Variants in RAG1 observed in about 807,000 individuals in gnomAD.
RAG1 encodes V(D)J recombination-activating protein 1.
In RAG1, 35 loss-of-function variants were observed where a neutral mutation model predicts 62.7. The observed-to-expected ratio is 0.56, with a 90% confidence interval of 0.43 to 0.74. The LOEUF is 0.74. Ranked by LOEUF, RAG1 falls within the 30% of genes least tolerant of loss-of-function variation. The pLI, the probability that RAG1 is intolerant of heterozygous loss-of-function variation, is 0.00. For synonymous variants in RAG1, 461 were observed against 470.3 expected, an observed-to-expected ratio of 0.98 and a Z score of 0.26; for missense variants, 1,169 against 1,278.6, an observed-to-expected ratio of 0.91 and a Z score of 1.31.
At chr11:36,563,991 A>G (rs537258570), upstream of RAG1, among the ~76,000 whole-genome samples, 1 of 152,330 alleles carries the variant, frequency 6.6e-6, no homozygotes, top group East Asian at 1.9e-4. Flanking sequence ...TCAATCTGTG[A>G]TCTTATGGAG....
At chr11:36,570,719 T>C (rs1850727165) in intron 1 of RAG1, among the ~76,000 whole-genome samples, 2 of 152,354 alleles carry the variant, frequency 1.3e-5, no homozygotes, top group Middle Eastern at 3.4e-3. Flanking sequence ...CTATTTTAAC[T>C]GGGGTGAGAT....
intron 3 of RAG1, among the ~76,000 whole-genome samples, chr11:36,548,676 T>G (rs1010144195): frequency 6.6e-6 from 1 of 152,138 alleles, no homozygotes; most frequent in Admixed American, 6.5e-5. Context: ...AGAATCAATA[T>G]TGTGAAAATG....
At chr11:36,558,390 T>C (rs1440240614) in intron 3 of RAG1, among the ~76,000 whole-genome samples, 4 of 152,234 alleles carry the variant, frequency 2.6e-5, no homozygotes, top group Non-Finnish European at 4.4e-5. Context: ...CACCTATTAC[T>C]GTATTGGAGT....
In RAG1 at chr11:36,579,249, G is replaced by A. The variant is rs1275378019; in HGVS notation, c.*2813G>A. ...CACAGATAAGAGGCAGGATATATAA[G>A]CGCCAGTGGTAGTTGGGAGGAATAA... On this transcript the variant is annotated 3_prime_UTR_variant, in exon 2 of 2. Transcript: ENST00000299440. The A allele has an allele frequency of 3.0e-5, 5 of 167,044 alleles. No individual in the cohort carries two copies. The highest frequency in any genetic ancestry group is 7.3e-5 in the Non-Finnish European group (5 of 68,096). 10.3% of individuals were successfully genotyped at this position (167,044 alleles called of 1,614,324 possible). A position where few individuals can be genotyped will look rare whatever the true frequency, so the allele number is the denominator to read the frequency against.
At chr11:36,531,408 T>C (rs1860253023) in intron 2 of RAG1, among the ~76,000 whole-genome samples, 1 of 151,966 alleles carries the variant, frequency 6.6e-6, no homozygotes, top group African/African-American at 2.4e-5. Flanking sequence ...TGTTTTCTTT[T>C]TTCTGTGAAT....
intron 1 of RAG1, among the ~76,000 whole-genome samples, chr11:36,572,818 C>A (rs921750540): frequency 6.6e-6 from 1 of 152,154 alleles, no homozygotes; most frequent in Non-Finnish European, 1.5e-5. Context: ...CAACCAACCC[C>A]CTGGAAGACT....
At chr11:36,522,534 C>T (rs1860096575) in intron 2 of RAG1, among the ~76,000 whole-genome samples, 1 of 152,228 alleles carries the variant, frequency 6.6e-6, no homozygotes, top group South Asian at 2.1e-4. Context: ...TCATGGAGGA[C>T]TTCTGCTAGG....
chr11:36,513,593 A>G (rs1407713031), intron 1 of RAG1, among the ~76,000 whole-genome samples: 1 of 152,224 alleles, frequency 6.6e-6, no homozygotes, highest in Admixed American at 6.5e-5. Flanking sequence ...GTAACAGTAT[A>G]TTAGTCTGTT....
At chr11:36,559,119 C>T (rs1850546263) in intron 3 of RAG1, among the ~76,000 whole-genome samples, 1 of 152,068 alleles carries the variant, frequency 6.6e-6, no homozygotes, top group African/African-American at 2.4e-5. Context: ...GTGTAGTATT[C>T]TTGATTGACA....
At chr11:36,530,188 T>C (rs183069515) in intron 2 of RAG1, among the ~76,000 whole-genome samples, 1 of 152,014 alleles carries the variant, frequency 6.6e-6, no homozygotes, top group Non-Finnish European at 1.5e-5. Flanking sequence ...TTCCTGACAT[T>C]GGTAACTTAT....
At chr11:36,528,572 T>A (rs1860202745) in intron 2 of RAG1, among the ~76,000 whole-genome samples, 1 of 151,698 alleles carries the variant, frequency 6.6e-6, no homozygotes, top group Non-Finnish European at 1.5e-5. Context: ...CCTAACATAA[T>A]CACAATTAAA....
At position 36,574,104 on chromosome 11, in the gene RAG1, C is replaced by G. The variant is rs1002699516; in HGVS notation, c.800C>G (p.Ala267Gly). 1 of 1,614,204 alleles carries G rather than the reference C, an allele frequency of 6.2e-7. No homozygotes were observed. The highest frequency in any genetic ancestry group is 8.5e-7 in the Non-Finnish European group (1 of 1,180,046). Residue 267 changes from alanine (A) to glycine (G), a missense_variant, in exon 2 of 2, where the codon GCC becomes GGC. By Grantham distance (60) the Ala-to-Gly change is moderately conservative. Transcript: ENST00000299440. ...ISSKDVMKKIANCSKIHLSTK... is the reference protein window; with the variant it reads ...ISSKDVMKKIGNCSKIHLSTK... ...AGCAAGGATGTCATGAAGAAGATCG[C>G]CAACTGCAGTAAGATACATCTTAGT...
At chr11:36,565,022 C>A (rs1850641513), upstream of RAG1, among the ~76,000 whole-genome samples, 1 of 152,124 alleles carries the variant, frequency 6.6e-6, no homozygotes. Context: ...ACACTTTGCC[C>A]TTCAGGAATA....
chr11:36,573,289 A>G lies in RAG1; in HGVS notation c.-14-2A>G. ...AATATGACTTGTTTTCATTGTTCTCAGGTACCTCAGCCAGCATGGCAGCCT... is the reference window on the plus strand; with the variant it reads ...AATATGACTTGTTTTCATTGTTCTCGGGTACCTCAGCCAGCATGGCAGCCT... On this transcript the variant is annotated splice_acceptor_variant, in intron 1 of 1. Transcript: ENST00000299440. LOFTEE classifies it low-confidence loss of function (5UTR_SPLICE). 2 of 1,614,064 alleles carry G rather than the reference A, an allele frequency of 1.2e-6. No individual in the cohort carries two copies. Among genetic ancestry groups the G allele is most frequent in the Non-Finnish European group, 1.7e-6 (2 of 1,179,968 alleles).
At chr11:36,564,741 A>G (rs1850637100), upstream of RAG1, among the ~76,000 whole-genome samples, 3 of 152,170 alleles carry the variant, frequency 2.0e-5, no homozygotes, top group Admixed American at 1.3e-4. Flanking sequence ...AAAGTGGGGG[A>G]GAAATGAGCG....
chr11:36,572,812 C>T (rs1470937767), intron 1 of RAG1, among the ~76,000 whole-genome samples: 1 of 152,170 alleles, frequency 6.6e-6, no homozygotes, highest in Non-Finnish European at 1.5e-5. Context: ...AATAAACAAC[C>T]AACCCCCTGG....
At chr11:36,559,425 A>C (rs1290054666) in intron 3 of RAG1, among the ~76,000 whole-genome samples, 1 of 152,198 alleles carries the variant, frequency 6.6e-6, no homozygotes, top group Admixed American at 6.5e-5. Context: ...TAAGACTTGA[A>C]AAGTTTCCAG....
chr11:36,535,748 T>TAAATAAATAAATAAATA (rs1860317097), intron 2 of RAG1, among the ~76,000 whole-genome samples: 2 of 151,776 alleles, frequency 1.3e-5, no homozygotes, highest in Admixed American at 6.6e-5. Context: ...CCCTCTCAAA[T>TAAATAAATAAATAAATA]AAATAAATAA....
At chr11:36,521,573 G>A (rs536953073) in intron 2 of RAG1, among the ~76,000 whole-genome samples, 21 of 152,182 alleles carry the variant, frequency 1.4e-4, no homozygotes, top group Admixed American at 6.5e-4. Context: ...GTGTGAAAAA[G>A]GACTATTACA....
Sources: gnomAD v4.1 joint callset for allele counts (sites outside exome capture counted in the v4.1 genomes callset) on GRCh38, gnomAD v4.1.1 for gene constraint, MANE v1.5 for transcripts, NCBI Gene and HGNC (gene_info 2026-07-23, HGNC 2026-07-21) for gene names.